Variants in SCG5 observed in about 807,000 individuals in gnomAD.
The protein encoded by SCG5 is neuroendocrine protein 7B2.
SCG5 carries 18 observed loss-of-function variants against 25.7 expected under a neutral mutation model. The ratio of observed to expected loss-of-function variants is 0.70; its 90% CI spans 0.48 to 1.04. The LOEUF (loss-of-function observed/expected upper bound fraction) is 1.04, where lower values mean the gene tolerates loss of function less well. Ranked by LOEUF, SCG5 falls within the 50% of genes least tolerant of loss-of-function variation. SCG5 has a pLI of 0.00. For synonymous variants in SCG5, 101 were observed against 91.7 expected, an observed-to-expected ratio of 1.10 and a Z score of -0.58; for missense variants, 206 against 259.8, an observed-to-expected ratio of 0.79 and a Z score of 1.42.
intron 2 of SCG5, among the ~76,000 whole-genome samples, chr15:32,667,263 A>C (rs1335397699): frequency 6.6e-6 from 1 of 152,242 alleles, no homozygotes; most frequent in Non-Finnish European, 1.5e-5. Flanking sequence ...GACTCAGGCC[A>C]ACATTATTTT....
At chr15:32,680,437 A>G (rs1230139593) in intron 3 of SCG5, among the ~76,000 whole-genome samples, 6 of 151,040 alleles carry the variant, frequency 4.0e-5, no homozygotes, top group Admixed American at 6.6e-5. Context: ...TGACCTCATG[A>G]TCCACCCTCC....
intron 2 of SCG5, among the ~76,000 whole-genome samples, chr15:32,675,019 T>C (rs2140560311): frequency 6.6e-6 from 1 of 152,356 alleles, no homozygotes; most frequent in Middle Eastern, 3.4e-3. Context: ...TACCAATGAT[T>C]TGATATCTAG....
chr15:32,657,268 A>G (rs1300173133), intron 2 of SCG5, among the ~76,000 whole-genome samples: 1 of 125,982 alleles, frequency 7.9e-6, no homozygotes, highest in African/African-American at 2.9e-5. Flanking sequence ...ATATCTTTCA[A>G]TCTTAAGTTT....
At chr15:32,692,153 G>A in intron 5 of SCG5, 1 of 1,047,972 alleles carries the variant, frequency 9.5e-7, no homozygotes, top group Non-Finnish European at 1.1e-6. Flanking sequence ...TAAAAACACA[G>A]GACAGAAACA....
chr15:32,667,521 C>T (rs1343615733), intron 2 of SCG5, among the ~76,000 whole-genome samples: 2 of 152,254 alleles, frequency 1.3e-5, no homozygotes, highest in African/African-American at 4.8e-5. Context: ...CTCCTTTGGA[C>T]TTTAAGGCAC....
intron 5 of SCG5, 87 bp from the exon 6 acceptor site, chr15:32,696,426 AT>A: frequency 1.1e-6 from 1 of 945,674 alleles, no homozygotes; most frequent in East Asian, 2.6e-5. Context: ...CCCAGAAACG[AT>A]TCTTGTTCAT....
chr15:32,681,481 TTTTC>T (rs1307348292), intron 3 of SCG5, among the ~76,000 whole-genome samples: 2 of 128,866 alleles, frequency 1.6e-5, no homozygotes, highest in African/African-American at 2.8e-5. Flanking sequence ...TTCTTTTTCT[TTTTC>T]TTTTTTTTTT....
At chr15:32,685,664 C>G (rs2054696619) in intron 4 of SCG5, among the ~76,000 whole-genome samples, 1 of 152,186 alleles carries the variant, frequency 6.6e-6, no homozygotes, top group Non-Finnish European at 1.5e-5. Flanking sequence ...TCCCAGCAGA[C>G]TAGAACAATG....
chr15:32,651,153 C>T (rs561379947), intron 2 of SCG5, among the ~76,000 whole-genome samples: 6 of 152,278 alleles, frequency 3.9e-5, no homozygotes, highest in East Asian at 3.9e-4. Context: ...GAGCCAAGAT[C>T]GCCCATTGCA....
chr15:32,660,188 TAC>T (rs1223258953), intron 2 of SCG5, among the ~76,000 whole-genome samples: 2 of 152,228 alleles, frequency 1.3e-5, no homozygotes, highest in Non-Finnish European at 2.9e-5. Flanking sequence ...TGGCTTTTTT[TAC>T]AGTCAGAGTT....
chr15:32,682,082 C>T lies in SCG5; in HGVS notation c.376+2167C>T, dbSNP rs146972481. ...TTCAGAGTTTAGAGAGCGACAGTCT[C>T]CATTGTTAAGTCCATTGGATGTGGT... On this transcript the variant is annotated intron_variant, in intron 3 of 5. Coordinates refer to ENST00000300175, the MANE Select transcript of SCG5 (RefSeq NM_001144757.3). 4.6e-5 allele frequency among the ~76,000 whole-genome samples: 7 copies of T among 152,218 alleles called. No individual in the cohort carries two copies. The East Asian group carries it at 1.4e-3, about 29-fold the overall frequency.
intron 2 of SCG5, among the ~76,000 whole-genome samples, chr15:32,647,489 G>A (rs1296042284): frequency 1.3e-5 from 2 of 152,044 alleles, no homozygotes; most frequent in East Asian, 3.9e-4. Context: ...AGGTCAGTGA[G>A]GTATCATATA....
intron 2 of SCG5, among the ~76,000 whole-genome samples, chr15:32,660,522 G>C (rs1354463571): frequency 3.9e-5 from 6 of 152,228 alleles, no homozygotes; most frequent in Non-Finnish European, 8.8e-5. Flanking sequence ...GTAAGAGTGA[G>C]CCTACCTTAG....
At chr15:32,673,563 T>TGTGTGTGTGTGTGTG (rs1555435529) in intron 2 of SCG5, among the ~76,000 whole-genome samples, 3 of 137,378 alleles carry the variant, frequency 2.2e-5, no homozygotes, top group African/African-American at 8.1e-5. Context: ...TGTGTGTGTG[T>TGTGTGTGTGTGTGTG]TGTGCGGGGG....
intron 5 of SCG5, among the ~76,000 whole-genome samples, chr15:32,695,372 ATCTTCCAAAACT>A (rs1443746746): frequency 6.6e-6 from 1 of 152,084 alleles, no homozygotes; most frequent in African/African-American, 2.4e-5. Flanking sequence ...ATGAACAAAC[ATCTTCCAAAACT>A]TTTGAATTTT....
intron 2 of SCG5, among the ~76,000 whole-genome samples, chr15:32,661,554 A>C (rs574633726): frequency 6.6e-6 from 1 of 152,252 alleles, no homozygotes; most frequent in East Asian, 1.9e-4. Flanking sequence ...CGGGAGGCAG[A>C]GGTTGCGGTG....
At chr15:32,684,347 C>T (rs2054667038) in intron 3 of SCG5, 2 of 506,020 alleles carry the variant, frequency 4.0e-6, no homozygotes, top group African/African-American at 4.0e-5. Context: ...GTTTGGTGAA[C>T]AGCCAGTGAG....
chr15:32,681,823 G>A (rs1422091578), intron 3 of SCG5, among the ~76,000 whole-genome samples: 2 of 152,068 alleles, frequency 1.3e-5, no homozygotes, highest in Admixed American at 6.5e-5. Context: ...GTCTCTGAAA[G>A]AGACTGTCTT....
intron 4 of SCG5, among the ~76,000 whole-genome samples, chr15:32,691,182 C>G (rs891000972): frequency 7.5e-4 from 114 of 152,264 alleles, no homozygotes; most frequent in African/African-American, 2.7e-3. Flanking sequence ...AAGGTTCACT[C>G]TATTAAAAAT....
Sources: gnomAD v4.1 joint callset for allele counts (sites outside exome capture counted in the v4.1 genomes callset) on GRCh38, gnomAD v4.1.1 for gene constraint, MANE v1.5 for transcripts, NCBI Gene and HGNC (gene_info 2026-07-23, HGNC 2026-07-21) for gene names.